The following SLIT3 variants were observed in gnomAD, a reference collection of about 807,000 sequenced individuals.
SLIT3 encodes slit guidance ligand 3, also known as slit homolog 3 protein.
A neutral mutation model predicts 184.0 loss-of-function variants in SLIT3; 68 were observed. That is an observed-to-expected ratio of 0.37 (90% CI 0.30 to 0.45). SLIT3 has a LOEUF of 0.45. Among genes scored for constraint, SLIT3 ranks in the 20% least tolerant of loss-of-function variants. The pLI is 1.00. For synonymous variants in SLIT3, 831 were observed against 828.6 expected, an observed-to-expected ratio of 1.00 and a Z score of -0.05; for missense variants, 1,707 against 2,026.0, an observed-to-expected ratio of 0.84 and a Z score of 3.02.
At chr5:169,268,153 G>T (rs1275596919) in intron 1 of SLIT3, among the ~76,000 whole-genome samples, 1 of 152,174 alleles carries the variant, frequency 6.6e-6, no homozygotes, top group African/African-American at 2.4e-5. Context: ...TTAATTTGAT[G>T]CACATTTGGG....
chr5:169,241,998 A>G (rs1031640756), intron 3 of SLIT3, among the ~76,000 whole-genome samples: 2 of 152,210 alleles, frequency 1.3e-5, no homozygotes, highest in Admixed American at 1.3e-4. Context: ...TCTATCTTAG[A>G]ATGTGATCAA....
At chr5:168,931,924 T>C (rs940764718) in intron 4 of SLIT3, among the ~76,000 whole-genome samples, 3 of 152,090 alleles carry the variant, frequency 2.0e-5, no homozygotes, top group African/African-American at 7.2e-5. Context: ...CTTCAGAAAA[T>C]GCTCCTTGAC....
At chr5:168,712,623 C>A in intron 23 of SLIT3, 1 of 429,340 alleles carries the variant, frequency 2.3e-6, no homozygotes, top group Non-Finnish European at 4.2e-6. Flanking sequence ...ACCAGTCTCT[C>A]TTAGCCGTGG....
At chr5:169,263,215 G>A (rs1399327074) in intron 1 of SLIT3, among the ~76,000 whole-genome samples, 1 of 152,174 alleles carries the variant, frequency 6.6e-6, no homozygotes, top group African/African-American at 2.4e-5. Context: ...GGTGGTACTT[G>A]CCTATAGTCC....
intron 8 of SLIT3, among the ~76,000 whole-genome samples, chr5:168,815,107 G>A (rs898160489): frequency 2.0e-5 from 3 of 152,168 alleles, no homozygotes; most frequent in African/African-American, 7.2e-5. Flanking sequence ...AAAGACACCT[G>A]GCTTCATACT....
chr5:169,221,030 C>T (rs1764605088), intron 3 of SLIT3, among the ~76,000 whole-genome samples: 1 of 152,152 alleles, frequency 6.6e-6, no homozygotes, highest in South Asian at 2.1e-4. Context: ...CATGATGTGC[C>T]CTCAGGCTTT....
intron 5 of SLIT3, among the ~76,000 whole-genome samples, chr5:168,882,187 C>G (rs1759979040): frequency 1.3e-5 from 2 of 152,046 alleles, no homozygotes; most frequent in Admixed American, 1.3e-4. Context: ...TTTAAGCCTC[C>G]CTTAAGACGT....
At chr5:168,895,789 G>A (rs182847950) in intron 4 of SLIT3, among the ~76,000 whole-genome samples, 1 of 152,284 alleles carries the variant, frequency 6.6e-6, no homozygotes, top group East Asian at 1.9e-4. Context: ...GCTTATTTAT[G>A]TAAAAATGGA....
chr5:168,683,855 C>T (rs988897886), intron 32 of SLIT3, 111 bp downstream of exon 32: 16 of 1,017,566 alleles, frequency 1.6e-5, no homozygotes, highest in East Asian at 1.5e-4. Flanking sequence ...GTGGTAGGGG[C>T]GGGGAGAAGG....
intron 3 of SLIT3, among the ~76,000 whole-genome samples, chr5:169,217,452 T>C (rs1288720291): frequency 6.6e-6 from 1 of 152,108 alleles, no homozygotes; most frequent in Non-Finnish European, 1.5e-5. Flanking sequence ...GACCCCAGTG[T>C]TGGATGACTG....
intron 4 of SLIT3, among the ~76,000 whole-genome samples, chr5:169,161,089 C>A (rs1025317938): frequency 6.6e-6 from 1 of 152,210 alleles, no homozygotes; most frequent in Non-Finnish European, 1.5e-5. Flanking sequence ...CCACCCAGCT[C>A]TCAGCTCCTG....
At chr5:168,803,849 C>T (rs1481063392) in intron 9 of SLIT3, among the ~76,000 whole-genome samples, 1 of 152,050 alleles carries the variant, frequency 6.6e-6, no homozygotes, top group Non-Finnish European at 1.5e-5. Context: ...TCTTGAACAT[C>T]CACTGTGGGA....
intron 4 of SLIT3, among the ~76,000 whole-genome samples, chr5:169,155,311 G>A (rs528246632): frequency 1.4e-4 from 21 of 152,148 alleles, no homozygotes; most frequent in Non-Finnish European, 2.9e-4. Flanking sequence ...TCCAACCACC[G>A]TCAACACCTC....
chr5:168,673,296 A>G lies in SLIT3; in HGVS notation c.3722T>C (p.Val1241Ala). 1 of 1,614,194 alleles carries G rather than the reference A, an allele frequency of 6.2e-7. No homozygotes were observed. The highest frequency in any genetic ancestry group is 8.5e-7 in the Non-Finnish European group (1 of 1,180,020). Residue 1241 changes from valine (V) to alanine (A), a missense_variant, in exon 33 of 36, where the codon GTG becomes GCG. Physicochemically the swap from Val to Ala is moderately conservative, Grantham distance 64. Transcript: ENST00000519560. ...ETVNDGQFHS[V>A]ELVTLNQTLN... ...GGTCTGGTTTAGCGTCACCAGCTCC[A>G]CACTGTGAAACTGCCCATCATTCAC...
intron 4 of SLIT3, among the ~76,000 whole-genome samples, chr5:169,034,722 C>T (rs975316656): frequency 1.3e-5 from 2 of 151,610 alleles, no homozygotes; most frequent in Non-Finnish European, 2.9e-5. Context: ...ACCCAAGCCT[C>T]AGGATTTTTA....
chr5:169,122,892 A>G (rs545644903), intron 4 of SLIT3, among the ~76,000 whole-genome samples: 4 of 152,312 alleles, frequency 2.6e-5, no homozygotes, highest in African/African-American at 9.6e-5. Context: ...AAATCCTTGA[A>G]CTTTACCTAC....
chr5:168,723,884 T>C (rs974410342), intron 21 of SLIT3, among the ~76,000 whole-genome samples: 1 of 152,228 alleles, frequency 6.6e-6, no homozygotes, highest in Non-Finnish European at 1.5e-5. Context: ...GTGATTCCTC[T>C]AATCAGCTGA....
chr5:168,851,061 C>T (rs959893849), intron 5 of SLIT3, among the ~76,000 whole-genome samples: 2 of 152,146 alleles, frequency 1.3e-5, no homozygotes, highest in Non-Finnish European at 1.5e-5. Flanking sequence ...CAGCGGTTCA[C>T]GCCTGTGATC....
intron 3 of SLIT3, among the ~76,000 whole-genome samples, chr5:169,212,381 G>A (rs1764293772): frequency 6.6e-6 from 1 of 152,196 alleles, no homozygotes; most frequent in African/African-American, 2.4e-5. Flanking sequence ...GTGATGATGA[G>A]CTTTTTTTCA....
Sources: gnomAD v4.1 joint callset for allele counts (sites outside exome capture counted in the v4.1 genomes callset) on GRCh38, gnomAD v4.1.1 for gene constraint, MANE v1.5 for transcripts, NCBI Gene and HGNC (gene_info 2026-07-23, HGNC 2026-07-21) for gene names.